Variants in FBXW4 observed in about 807,000 individuals in gnomAD.
FBXW4 encodes the protein F-box and WD repeat domain containing 4.
In FBXW4, 40 loss-of-function variants were observed where a neutral mutation model predicts 61.8. That is an observed-to-expected ratio of 0.65 (90% CI 0.50 to 0.84). The LOEUF (loss-of-function observed/expected upper bound fraction) is 0.84. Among genes scored for constraint, FBXW4 ranks in the 40% least tolerant of loss-of-function variants. FBXW4 has a pLI of 0.00. For synonymous variants in FBXW4, 311 were observed against 313.8 expected (o/e 0.99, Z 0.10); for missense variants, 672 against 753.8 (o/e 0.89, Z 1.27).
At chr10:101,646,501 A>G (rs551434020) in intron 5 of FBXW4, among the ~76,000 whole-genome samples, 1 of 152,304 alleles carries the variant, frequency 6.6e-6, no homozygotes, top group African/African-American at 2.4e-5. Context: ...TCCAGAAAGC[A>G]TTTCCCCCAC....
intron 5 of FBXW4, among the ~76,000 whole-genome samples, chr10:101,660,640 A>G (rs2064233731): frequency 6.6e-6 from 1 of 152,238 alleles, no homozygotes; most frequent in South Asian, 2.1e-4. Context: ...CGGTGATCAA[A>G]GGTGGAAAAA....
chr10:101,637,843 A>G (rs1011903674), intron 5 of FBXW4, among the ~76,000 whole-genome samples: 16 of 151,956 alleles, frequency 1.1e-4, no homozygotes, highest in African/African-American at 3.6e-4. Flanking sequence ...TGATGATTTG[A>G]CCCCAGCCGT....
intron 5 of FBXW4, among the ~76,000 whole-genome samples, chr10:101,665,281 C>T (rs2064287381): frequency 6.6e-6 from 1 of 152,138 alleles, no homozygotes; most frequent in Non-Finnish European, 1.5e-5. Flanking sequence ...TTTTAAAAGA[C>T]TCCAAGACCT....
intron 1 of FBXW4, among the ~76,000 whole-genome samples, chr10:101,682,086 T>G (rs2064483992): frequency 6.6e-6 from 1 of 152,236 alleles, no homozygotes; most frequent in South Asian, 2.1e-4. Flanking sequence ...CAAAAAAAGT[T>G]AATTATCTTT....
intron 4 of FBXW4, among the ~76,000 whole-genome samples, chr10:101,668,199 T>G (rs1161368364): frequency 6.6e-6 from 1 of 152,208 alleles, no homozygotes; most frequent in Non-Finnish European, 1.5e-5. Flanking sequence ...CCTCTTTTAC[T>G]TCCACTGACA....
chr10:101,656,331 T>C (rs1184973694), intron 5 of FBXW4, among the ~76,000 whole-genome samples: 1 of 152,184 alleles, frequency 6.6e-6, no homozygotes. Context: ...CAGACATAAG[T>C]GTCTCCAGCC....
intron 4 of FBXW4, among the ~76,000 whole-genome samples, chr10:101,670,653 C>T (rs1302088442): frequency 6.6e-6 from 1 of 152,172 alleles, no homozygotes; most frequent in East Asian, 1.9e-4. Flanking sequence ...TCTGAAGAGC[C>T]CAGGTGCCTC....
intron 5 of FBXW4, among the ~76,000 whole-genome samples, chr10:101,640,705 C>A (rs2064044369): frequency 6.8e-6 from 1 of 146,012 alleles, no homozygotes; most frequent in Non-Finnish European, 1.5e-5. Context: ...CTGTATTGGT[C>A]TCAAATGGTC....
intron 5 of FBXW4, among the ~76,000 whole-genome samples, chr10:101,632,234 C>T (rs2063964508): frequency 6.6e-6 from 1 of 151,930 alleles, no homozygotes; most frequent in South Asian, 2.1e-4. Context: ...ACACACGCAA[C>T]CCTCTCTCAA....
At chr10:101,662,281 G>A (rs949971171) in intron 5 of FBXW4, among the ~76,000 whole-genome samples, 11 of 151,996 alleles carry the variant, frequency 7.2e-5, no homozygotes, top group Non-Finnish European at 1.0e-4. Flanking sequence ...AAACCCACCC[G>A]CTTACCGAAC....
At chr10:101,612,754 C>T (rs1225938132) in intron 6 of FBXW4, among the ~76,000 whole-genome samples, 1 of 151,878 alleles carries the variant, frequency 6.6e-6, no homozygotes, top group East Asian at 1.9e-4. Context: ...CACCCAGCCA[C>T]TCCTCCTCAG....
At chr10:101,688,376 A>C (rs1419004768) in intron 1 of FBXW4, among the ~76,000 whole-genome samples, 5 of 152,214 alleles carry the variant, frequency 3.3e-5, no homozygotes, top group African/African-American at 4.8e-5. Context: ...TGTGCTGGCA[A>C]TTAATTGTGG....
In FBXW4 at chr10:101,624,809, A is replaced by G; in HGVS notation, c.1237T>C (p.Ser413Pro). The change falls in exon 6 of 9, where the codon TCT (serine) becomes CCT (proline). Residue 413 changes from serine (S) to proline (P), a missense_variant and splice_region_variant. Transcript: ENST00000331272. ...CAACAAGCCGTCCCTGTCACAAAAG[A>G]GCTGCCAAACAAAAGGAGAACAAAG... ...WSIAISPLLS[S>P]FVTGTACCGH... The G allele has an allele frequency of 6.2e-7, 1 of 1,614,276 alleles. No individual in the cohort carries two copies. Among genetic ancestry groups the G allele is most frequent in the Non-Finnish European group, 8.5e-7 (1 of 1,180,050 alleles).
chr10:101,614,317 G>T (rs1323052287), intron 6 of FBXW4, among the ~76,000 whole-genome samples: 1 of 152,188 alleles, frequency 6.6e-6, no homozygotes, highest in Non-Finnish European at 1.5e-5. Flanking sequence ...GCCCAGCATG[G>T]CTCTACCTGC....
intron 5 of FBXW4, among the ~76,000 whole-genome samples, chr10:101,657,575 A>G (rs1449112403): frequency 7.3e-6 from 1 of 137,350 alleles, no homozygotes; most frequent in Non-Finnish European, 1.5e-5. Flanking sequence ...TGGAAGTTGC[A>G]GTGAGCTGAG....
At position 101,676,394 on chromosome 10, in the gene FBXW4, C is replaced by T. The variant is rs56866043; in HGVS notation, c.768G>A (p.Gln256=). The change falls in exon 2 of 9, where the codon CAG becomes CAA. Residue 256 remains glutamine (Q), a synonymous_variant. Transcript: ENST00000331272. ...VPVKERVKVS[Q]NWRLGRCREG... is the part of the protein sequence containing the mutation. Reference sequence around the variant, plus strand: ...CTCGGCAGCGCCCCAGTCTCCAGTTCTGAGACACCTTCACTCGTTCCTTCA... The same window carrying T: ...CTCGGCAGCGCCCCAGTCTCCAGTTTTGAGACACCTTCACTCGTTCCTTCA... The T allele has an allele frequency of 1.2e-6, 2 of 1,613,812 alleles. No individual in the cohort carries two copies. Among genetic ancestry groups the T allele is most frequent in the Non-Finnish European group, 1.7e-6 (2 of 1,179,912 alleles).
At chr10:101,633,754 T>C (rs896778245) in intron 5 of FBXW4, among the ~76,000 whole-genome samples, 1 of 152,154 alleles carries the variant, frequency 6.6e-6, no homozygotes, top group Admixed American at 6.5e-5. Context: ...CAAGTGTTAT[T>C]ATATATCAGC....
intron 6 of FBXW4, among the ~76,000 whole-genome samples, chr10:101,622,707 G>A (rs950519428): frequency 3.4e-5 from 4 of 118,178 alleles, no homozygotes; most frequent in Admixed American, 1.2e-4. Flanking sequence ...CAGCCTGGGC[G>A]ACATAGTGAG....
chr10:101,635,734 G>C (rs1334992066), intron 5 of FBXW4, among the ~76,000 whole-genome samples: 1 of 152,056 alleles, frequency 6.6e-6, no homozygotes, highest in Non-Finnish European at 1.5e-5. Context: ...TACACAGGAG[G>C]GTGAGGTGGG....
Sources: gnomAD v4.1 joint callset for allele counts (sites outside exome capture counted in the v4.1 genomes callset) on GRCh38, gnomAD v4.1.1 for gene constraint, MANE v1.5 for transcripts, NCBI Gene and HGNC (gene_info 2026-07-23, HGNC 2026-07-21) for gene names.